DHRS3: variants seen among roughly 807,000 people sequenced by gnomAD.
DHRS3 encodes the protein dehydrogenase/reductase 3, also known as short-chain dehydrogenase/reductase 3.
Under a neutral mutation model 27.2 loss-of-function variants are expected in DHRS3, and 14 were observed. The ratio of observed to expected loss-of-function variants is 0.52; its 90% CI spans 0.34 to 0.81. The LOEUF (loss-of-function observed/expected upper bound fraction) is 0.81, where lower values mean the gene tolerates loss of function less well. Ranked by LOEUF, DHRS3 falls within the 30% of genes least tolerant of loss-of-function variation. DHRS3 has a pLI of 0.01. For missense variants in DHRS3, 322 were observed against 406.2 expected, an observed-to-expected ratio of 0.79 and a Z score of 1.78; for synonymous variants, 165 against 175.9, an observed-to-expected ratio of 0.94 and a Z score of 0.49.
intron 4 of DHRS3, among the ~76,000 whole-genome samples, chr1:12,576,433 G>C (rs987627868): frequency 2.0e-5 from 3 of 152,070 alleles, no homozygotes; most frequent in Non-Finnish European, 2.9e-5. Context: ...GTGGTGGTGG[G>C]CACCTGTAGT....
chr1:12,590,396 C>T (rs1646735483), intron 1 of DHRS3, among the ~76,000 whole-genome samples: 1 of 152,190 alleles, frequency 6.6e-6, no homozygotes, highest in African/African-American at 2.4e-5. Flanking sequence ...CTGAAACCTT[C>T]ACCTCCTGGG....
At position 12,574,398 on chromosome 1, in the gene DHRS3, CT is replaced by C. The variant is rs1194107243; in HGVS notation, c.699-1546del. On this transcript the variant is annotated intron_variant, in intron 4 of 5. Coordinates refer to ENST00000616661, the MANE Select transcript of DHRS3 (RefSeq NM_004753.7). This position sits in a 1 kb window ranked among gnomAD's most constrained non-coding sequence, Gnocchi z 4.6. ...GTTGCCCAGGCTGGCAACTCCTGGGCTGAAGTGATTCCCCTGCCTCAGCCTC... is the reference window on the plus strand; with the variant it reads ...GTTGCCCAGGCTGGCAACTCCTGGGCGAAGTGATTCCCCTGCCTCAGCCTC... Among the ~76,000 whole-genome samples the C allele has an allele frequency of 6.6e-6, 1 of 152,116 alleles. No homozygotes were observed. The highest frequency in any genetic ancestry group is 1.5e-5 in the Non-Finnish European group (1 of 68,020).
chr1:12,589,297 G>T (rs551207289), intron 1 of DHRS3, among the ~76,000 whole-genome samples: 1 of 152,082 alleles, frequency 6.6e-6, no homozygotes, highest in Non-Finnish European at 1.5e-5. Context: ...CAGACTGCCT[G>T]GGTTCAATTC....
intron 1 of DHRS3, among the ~76,000 whole-genome samples, chr1:12,595,354 C>G (rs1436655628): frequency 6.6e-6 from 1 of 151,076 alleles, no homozygotes; most frequent in Non-Finnish European, 1.5e-5. Flanking sequence ...GCGGGTCGGG[C>G]AGGAGGCTCC....
At chr1:12,585,848 C>A (rs1646693103) in intron 1 of DHRS3, among the ~76,000 whole-genome samples, 1 of 152,204 alleles carries the variant, frequency 6.6e-6, no homozygotes, top group Non-Finnish European at 1.5e-5. Flanking sequence ...GGGTTGGGGG[C>A]CTGCAGAGGG....
intron 1 of DHRS3, among the ~76,000 whole-genome samples, chr1:12,612,494 A>C (rs1330314405): frequency 6.6e-6 from 1 of 151,974 alleles, no homozygotes; most frequent in Non-Finnish European, 1.5e-5. Flanking sequence ...TTCCCTTGTC[A>C]CACCCCTTCT....
At chr1:12,568,509 G>A in intron 5 of DHRS3, 85 bp from the exon 6 acceptor site, 4 of 1,287,038 alleles carry the variant, frequency 3.1e-6, no homozygotes. Flanking sequence ...TGTGAGACGG[G>A]GCAGCAGAGG....
At chr1:12,572,636 G>A in intron 5 of DHRS3, 92 bp downstream of exon 5, 1 of 1,527,706 alleles carries the variant, frequency 6.5e-7, no homozygotes, top group South Asian at 1.2e-5. Context: ...AAATGTGCCA[G>A]CACTCCTCAT....
At chr1:12,585,211 A>ATCTCTGTGTGTCTCTGTGAATGTGTG (rs145659460) in intron 1 of DHRS3, among the ~76,000 whole-genome samples, 2 of 140,178 alleles carry the variant, frequency 1.4e-5, no homozygotes, top group African/African-American at 3.0e-5. Context: ...GTGTCTGTGT[A>ATCTCTGTGTGTCTCTGTGAATGTGTG]TCTCTGTGTG....
chr1:12,572,020 T>A (rs903058712), intron 5 of DHRS3, among the ~76,000 whole-genome samples: 1 of 152,196 alleles, frequency 6.6e-6, no homozygotes, highest in African/African-American at 2.4e-5. Flanking sequence ...GGTAGAACAA[T>A]GCCACTCCTG....
At chr1:12,570,390 C>A (rs1646525685) in intron 5 of DHRS3, among the ~76,000 whole-genome samples, 2 of 152,342 alleles carry the variant, frequency 1.3e-5, no homozygotes, top group Middle Eastern at 3.4e-3. Context: ...AGAGGGCCCT[C>A]AGGCTGTTTG....
rs563297788 is a variant in DHRS3 at position 12,592,411 on chromosome 1, G to A, written c.196-11745C>T. Among the ~76,000 whole-genome samples, 3 of 152,166 alleles carry A rather than the reference G, an allele frequency of 2.0e-5. No homozygotes were observed. Among genetic ancestry groups the A allele is most frequent in the Non-Finnish European group, 4.4e-5 (3 of 68,032 alleles). ...GGGTGGGCTCTGAGTCTAAGGACTA[G>A]TGTCCTCATGAGAGACAGAAGAAAG... On this transcript the variant is annotated intron_variant, in intron 1 of 5. Coordinates refer to ENST00000616661, the MANE Select transcript of DHRS3 (RefSeq NM_004753.7). The surrounding 1 kb of genome is among the most constrained non-coding windows in gnomAD (Gnocchi z 4.2).
chr1:12,570,144 CT>C (rs762618898), intron 5 of DHRS3: 3 of 152,216 alleles, frequency 2.0e-5, no homozygotes, highest in Non-Finnish European at 4.4e-5. Flanking sequence ...CCAACTGCCC[CT>C]GATTCCACAA....
chr1:12,616,358 C>T (rs1646944342), intron 1 of DHRS3, among the ~76,000 whole-genome samples: 1 of 152,152 alleles, frequency 6.6e-6, no homozygotes, highest in Admixed American at 6.5e-5. Context: ...TGCCCACTCT[C>T]CCCACTCTGG....
rs577035845 is a variant in DHRS3, at chr1:12,617,609, A to G, written c.-261T>C. 1 of 340,774 alleles carries G rather than the reference A, an allele frequency of 2.9e-6. No individual in the cohort carries two copies. The highest frequency in any genetic ancestry group is 1.1e-4 in the South Asian group (1 of 8,940). The allele number at this position is 340,774 out of a possible 1,614,324, so 21.1% of individuals were successfully genotyped here. On this transcript the variant is annotated 5_prime_UTR_variant, in exon 1 of 6. Coordinates refer to ENST00000616661, the MANE Select transcript of DHRS3 (RefSeq NM_004753.7). ...GGACGGTAAAAGAGGTGGAGGGGGA[A>G]GCCGGAGGTGGAAAGTTCTAACAAG...
At chr1:12,571,485 C>T (rs1005573078) in intron 5 of DHRS3, among the ~76,000 whole-genome samples, 1 of 151,150 alleles carries the variant, frequency 6.6e-6, no homozygotes, top group Non-Finnish European at 1.5e-5. Flanking sequence ...GTCCAGGAAC[C>T]TTTGGGGTAC....
intron 1 of DHRS3, among the ~76,000 whole-genome samples, chr1:12,582,875 C>CA (rs1570367131): frequency 7.3e-6 from 1 of 137,670 alleles, no homozygotes; most frequent in African/African-American, 2.9e-5. Flanking sequence ...CCATCCATCC[C>CA]TCCCTCCCTC....
chr1:12,610,925 C>T lies in DHRS3; in HGVS notation c.195+6229G>A, dbSNP rs113762145. Reference sequence around the variant, plus strand: ...AACGTGTAGGGTGTGGGACCCATCCCGCACTGATGCTCAAAACTGTGGTAG... The same window carrying T: ...AACGTGTAGGGTGTGGGACCCATCCTGCACTGATGCTCAAAACTGTGGTAG... On this transcript the variant is annotated intron_variant, in intron 1 of 5. Transcript: ENST00000616661. 4.6e-5 allele frequency among the ~76,000 whole-genome samples: 7 copies of T among 152,196 alleles called. 1 individual carries two copies. Among genetic ancestry groups the T allele is most frequent in the East Asian group, 1.9e-4 (1 of 5,178 alleles).
In DHRS3 at chr1:12,591,464, G is replaced by A. The variant is rs1256428551; in HGVS notation, c.196-10798C>T. 3.3e-5 allele frequency among the ~76,000 whole-genome samples: 5 copies of A among 152,254 alleles called. No individual in the cohort carries two copies. ...GAAGCTCCTCAAATTAGATCAGCCA[G>A]TGGTGTCGCCCTCCCACAAGTCCCT... is the stretch of plus-strand genomic sequence containing the variant. On this transcript the variant is annotated intron_variant, in intron 1 of 5. Transcript: ENST00000616661. The surrounding 1 kb of genome is among the most constrained non-coding windows in gnomAD (Gnocchi z 4.1).
Sources: allele counts gnomAD v4.1 joint callset (sites outside exome capture counted in the v4.1 genomes callset), GRCh38; gene constraint gnomAD v4.1.1; non-coding constraint Gnocchi (gnomAD v3.1); transcripts MANE v1.5; gene names NCBI Gene and HGNC (gene_info 2026-07-23, HGNC 2026-07-21).